The following ZFAND3 variants were observed in gnomAD, a reference collection of about 807,000 sequenced individuals.
ZFAND3 encodes zinc finger AN1-type containing 3, also known as AN1-type zinc finger protein 3.
A neutral mutation model predicts 29.6 loss-of-function variants in ZFAND3; 10 were observed. That is an observed-to-expected ratio of 0.34 (90% CI 0.21 to 0.57). The LOEUF (loss-of-function observed/expected upper bound fraction) is 0.57, where lower values mean the gene tolerates loss of function less well. Ranked by LOEUF, ZFAND3 falls within the 20% of genes least tolerant of loss-of-function variation. ZFAND3 has a pLI of 0.86. For missense variants in ZFAND3, 230 were observed against 304.5 expected (o/e 0.76, Z 1.82); for synonymous variants, 128 against 112.6 (o/e 1.14, Z -0.87).
intron 4 of ZFAND3, among the ~76,000 whole-genome samples, chr6:38,115,715 C>T (rs1474813125): frequency 6.6e-6 from 1 of 152,194 alleles, no homozygotes; most frequent in Non-Finnish European, 1.5e-5. Context: ...GCAGCTGTTT[C>T]AGGAATACAG....
intron 5 of ZFAND3, among the ~76,000 whole-genome samples, chr6:38,144,218 A>ATAT (rs1554183997): frequency 3.2e-5 from 1 of 31,448 alleles, no homozygotes; most frequent in African/African-American, 1.9e-4. Flanking sequence ...TATAATATAT[A>ATAT]ATATATATAT....
At chr6:38,018,893 A>G (rs1010435796) in intron 2 of ZFAND3, among the ~76,000 whole-genome samples, 1 of 151,650 alleles carries the variant, frequency 6.6e-6, no homozygotes, top group African/African-American at 2.4e-5. Context: ...AATAATTTAC[A>G]CTCCCACTGG....
At chr6:37,936,439 ATAAGGCAAAC>A (rs974707268) in intron 2 of ZFAND3, among the ~76,000 whole-genome samples, 16 of 152,360 alleles carry the variant, frequency 1.1e-4, no homozygotes, top group African/African-American at 3.4e-4. Flanking sequence ...GATGCTTATC[ATAAGGCAAAC>A]TTAATATATG....
At chr6:37,935,126 G>A (rs1292128550) in intron 2 of ZFAND3, among the ~76,000 whole-genome samples, 1 of 152,072 alleles carries the variant, frequency 6.6e-6, no homozygotes, top group Non-Finnish European at 1.5e-5. Flanking sequence ...CAAAAGTGTT[G>A]ATTATTTTTA....
intron 1 of ZFAND3, among the ~76,000 whole-genome samples, chr6:37,858,637 T>C (rs1418395098): frequency 2.0e-5 from 3 of 152,236 alleles, no homozygotes; most frequent in African/African-American, 4.8e-5. Flanking sequence ...CATCCTGTTA[T>C]ATTTTCCTGA....
chr6:38,106,470 G>A (rs756973796), intron 4 of ZFAND3, among the ~76,000 whole-genome samples: 16 of 152,130 alleles, frequency 1.1e-4, no homozygotes, highest in Non-Finnish European at 2.4e-4. Context: ...ATTCTTAACG[G>A]CAGGCCTATG....
At chr6:38,028,861 GT>G (rs1207598881) in intron 2 of ZFAND3, among the ~76,000 whole-genome samples, 1 of 151,974 alleles carries the variant, frequency 6.6e-6, no homozygotes, top group East Asian at 1.9e-4. Flanking sequence ...TCCTTTCTTT[GT>G]GAAGCAAGGC....
At chr6:38,049,670 C>T (rs1264519977) in intron 2 of ZFAND3, among the ~76,000 whole-genome samples, 1 of 152,158 alleles carries the variant, frequency 6.6e-6, no homozygotes, top group African/African-American at 2.4e-5. Context: ...CTTGGATTCA[C>T]TGGATAAAAA....
intron 2 of ZFAND3, among the ~76,000 whole-genome samples, chr6:37,981,482 TA>T (rs1762578775): frequency 6.6e-6 from 1 of 152,176 alleles, no homozygotes; most frequent in Non-Finnish European, 1.5e-5. Context: ...AGTGAGATCT[TA>T]GGGTATTGTG....
In ZFAND3 at chr6:37,820,202, A is replaced by T. The variant is rs548821142; in HGVS notation, c.71+186A>T. 4.8e-4 allele frequency among the ~76,000 whole-genome samples: 73 copies of T among 151,162 alleles called. 1 individual carries two copies. Among genetic ancestry groups the T allele is most frequent in the African/African-American group, 1.0e-3 (41 of 41,002 alleles). ...CGGGTGGGGAGCTGGGGGTGGGCAG[A>T]GAAGGCCCTGCCGGGGGTGCGTTGC... On this transcript the variant is annotated intron_variant, in intron 1 of 5. Transcript: ENST00000287218.
chr6:37,820,982 G>T (rs573338695), intron 1 of ZFAND3, among the ~76,000 whole-genome samples: 6 of 152,310 alleles, frequency 3.9e-5, no homozygotes, highest in African/African-American at 1.2e-4. Context: ...GACTTTGAAG[G>T]CTGGCTTTTG....
intron 4 of ZFAND3, chr6:38,088,279 A>G (rs1242152443): frequency 6.6e-6 from 1 of 152,210 alleles, no homozygotes; most frequent in Non-Finnish European, 1.5e-5. Flanking sequence ...TAATTGAAAT[A>G]AGCCAGGCAC....
At chr6:37,916,441 C>T (rs958169030) in intron 1 of ZFAND3, among the ~76,000 whole-genome samples, 12 of 151,954 alleles carry the variant, frequency 7.9e-5, no homozygotes, top group Non-Finnish European at 1.5e-5. Context: ...AGGCAGATCA[C>T]GAGGTCAGGA....
intron 5 of ZFAND3, among the ~76,000 whole-genome samples, chr6:38,137,634 G>A (rs887953860): frequency 2.0e-5 from 3 of 152,192 alleles, no homozygotes; most frequent in Non-Finnish European, 2.9e-5. Flanking sequence ...TTTCTGATGG[G>A]AGCAGGAGAT....
At chr6:37,888,106 A>G (rs1765028174) in intron 1 of ZFAND3, among the ~76,000 whole-genome samples, 1 of 152,176 alleles carries the variant, frequency 6.6e-6, no homozygotes, top group African/African-American at 2.4e-5. Context: ...ATTGTGTTAC[A>G]TCTTTCTGGT....
At chr6:37,833,194 A>G (rs1180002088) in intron 1 of ZFAND3, 1 of 152,220 alleles carries the variant, frequency 6.6e-6, no homozygotes, top group Non-Finnish European at 1.5e-5. Context: ...GCATGCTACC[A>G]TTGTATCTTT....
rs151125008 is a variant in ZFAND3, at chr6:38,151,731, A to G, written c.530-504A>G. On this transcript the variant is annotated intron_variant, in intron 5 of 5. Coordinates refer to ENST00000287218, the MANE Select transcript of ZFAND3 (RefSeq NM_021943.3). ...CACTTTCCTTTGAGAGCTCCCACTC[A>G]TTTTTGGGTTGTGGTTTGATCACTC... Among the ~76,000 whole-genome samples the G allele has an allele frequency of 1.7e-3, 257 of 152,244 alleles. 3 individuals are homozygous for G. In the Middle Eastern group the frequency reaches 0.031, roughly 18 times the overall value.
At chr6:38,008,780 T>C (rs896209322) in intron 2 of ZFAND3, among the ~76,000 whole-genome samples, 2 of 152,186 alleles carry the variant, frequency 1.3e-5, no homozygotes, top group East Asian at 1.9e-4. Flanking sequence ...TTGAGGACTT[T>C]AGTACTGAAA....
chr6:37,925,703 CA>C lies in ZFAND3; in HGVS notation c.72-4240del, dbSNP rs35278839. Among the ~76,000 whole-genome samples, 354 of 118,658 alleles carry C rather than the reference CA, an allele frequency of 3.0e-3. 3 individuals are homozygous for C. Among genetic ancestry groups the C allele is most frequent in the African/African-American group, 7.0e-3 (219 of 31,488 alleles). 77.8% of individuals were successfully genotyped at this position (118,658 alleles called of 152,430 possible). Reference sequence around the variant, plus strand: ...TGGGCAACAGAGCTACACTCCATCTCAAAAAAAAAAAAAAAAGGTTTCTAGA... The same window carrying C: ...TGGGCAACAGAGCTACACTCCATCTCAAAAAAAAAAAAAAAGGTTTCTAGA... On this transcript the variant is annotated intron_variant, in intron 1 of 5. Transcript: ENST00000287218.
Sources: allele counts gnomAD v4.1 joint callset (sites outside exome capture counted in the v4.1 genomes callset), GRCh38; gene constraint gnomAD v4.1.1; transcripts MANE v1.5; gene names NCBI Gene and HGNC (gene_info 2026-07-23, HGNC 2026-07-21).